Variants in ZSWIM5 observed in about 807,000 individuals in gnomAD.
The protein encoded by ZSWIM5 is zinc finger SWIM-type containing 5.
In ZSWIM5, 55 loss-of-function variants were observed where a neutral mutation model predicts 119.6. The ratio of observed to expected loss-of-function variants is 0.46; its 90% CI spans 0.37 to 0.58. ZSWIM5 has a LOEUF of 0.58. Ranked by LOEUF, ZSWIM5 falls within the 20% of genes least tolerant of loss-of-function variation. The pLI is 0.00. For synonymous variants in ZSWIM5, 537 were observed against 606.9 expected, an observed-to-expected ratio of 0.88 and a Z score of 1.69; for missense variants, 1,193 against 1,512.8, an observed-to-expected ratio of 0.79 and a Z score of 3.51.
chr1:45,081,973 T>C (rs1282718449), intron 2 of ZSWIM5, among the ~76,000 whole-genome samples: 3 of 152,238 alleles, frequency 2.0e-5, no homozygotes, highest in Admixed American at 1.3e-4. Flanking sequence ...TTTCATTTTG[T>C]TCTGTACTAA....
rs1410936226 is a variant in ZSWIM5 at position 45,057,249 on chromosome 1, A to G, written c.1252+1360T>C. ...GGCCCAGTGATCTGTTTAAACAAGT[A>G]CTCCAGGTGATTCTGAAAGGTTTGA... On this transcript the variant is annotated intron_variant, in intron 4 of 13. Coordinates refer to ENST00000359600, the MANE Select transcript of ZSWIM5 (RefSeq NM_020883.2). The surrounding 1 kb of genome is among the most constrained non-coding windows in gnomAD (Gnocchi z 4.7). 6.6e-6 allele frequency among the ~76,000 whole-genome samples: 1 copy of G among 152,178 alleles called. No individual in the cohort carries two copies. The highest frequency in any genetic ancestry group is 2.4e-5 in the African/African-American group (1 of 41,440).
At chr1:45,156,371 A>G (rs1645827086) in intron 1 of ZSWIM5, among the ~76,000 whole-genome samples, 1 of 151,988 alleles carries the variant, frequency 6.6e-6, no homozygotes, top group African/African-American at 2.4e-5. Flanking sequence ...GATCAATCAT[A>G]CCCCAAACAT....
chr1:45,068,015 G>A (rs1051484019), intron 2 of ZSWIM5, among the ~76,000 whole-genome samples: 2 of 151,516 alleles, frequency 1.3e-5, no homozygotes, highest in Non-Finnish European at 2.9e-5. Context: ...TGTGGGTTCA[G>A]CCTCCACGTA....
intron 1 of ZSWIM5, among the ~76,000 whole-genome samples, chr1:45,183,679 C>T (rs1216660535): frequency 6.6e-6 from 1 of 152,158 alleles, no homozygotes; most frequent in Non-Finnish European, 1.5e-5. Flanking sequence ...GAAACATATA[C>T]TCTCCCAAGA....
At chr1:45,204,749 G>T (rs751746473) in intron 1 of ZSWIM5, among the ~76,000 whole-genome samples, 2 of 152,100 alleles carry the variant, frequency 1.3e-5, no homozygotes, top group Admixed American at 1.3e-4. Flanking sequence ...CAATTAATAC[G>T]AGCATATAGT....
At chr1:45,123,943 C>G (rs575313212) in intron 1 of ZSWIM5, among the ~76,000 whole-genome samples, 1 of 152,172 alleles carries the variant, frequency 6.6e-6, no homozygotes, top group Admixed American at 6.5e-5. Flanking sequence ...CATCAGAAAC[C>G]AGGCAGGCCA....
At chr1:45,031,169 ATTTTTT>A (rs34390567) in intron 11 of ZSWIM5, among the ~76,000 whole-genome samples, 6 of 61,740 alleles carry the variant, frequency 9.7e-5, no homozygotes, top group South Asian at 1.4e-3. Flanking sequence ...TTTTGCTCTG[ATTTTTT>A]TTTTTTTTTT....
rs148297429 is a variant in ZSWIM5 at position 45,174,986 on chromosome 1, G to A, written c.595+30770C>T. 7.2e-5 allele frequency among the ~76,000 whole-genome samples: 11 copies of A among 151,982 alleles called. No individual in the cohort carries two copies. The East Asian group carries it at 2.1e-3, about 29-fold the overall frequency. On this transcript the variant is annotated intron_variant, in intron 1 of 13. Transcript: ENST00000359600. ...CATAACATTATCATATAATGCACAG[G>A]CCCCATTCAACTGTTGCCAATTGCC...
At chr1:45,095,495 T>C (rs1424847676) in intron 1 of ZSWIM5, among the ~76,000 whole-genome samples, 1 of 152,186 alleles carries the variant, frequency 6.6e-6, no homozygotes, top group Non-Finnish European at 1.5e-5. Context: ...AGACATTTAA[T>C]TTTGTTGTTA....
Position 45,069,565 on chromosome 1 carries a change from G to A in ZSWIM5, c.953-9318C>T, listed in dbSNP as rs76593758. ...GTTAAACACTGGAATTTGAGGACTC[G>A]TTTTAATTTTTGATACATTTTTCCT... On this transcript the variant is annotated intron_variant, in intron 2 of 13. Coordinates refer to ENST00000359600, the MANE Select transcript of ZSWIM5 (RefSeq NM_020883.2). Among the ~76,000 whole-genome samples the A allele has an allele frequency of 3.6e-3, 548 of 152,100 alleles. 5 individuals carry two copies. Among genetic ancestry groups the A allele is most frequent in the East Asian group, 0.016 (82 of 5,176 alleles).
At chr1:45,189,905 A>G (rs1646081074) in intron 1 of ZSWIM5, among the ~76,000 whole-genome samples, 1 of 152,250 alleles carries the variant, frequency 6.6e-6, no homozygotes, top group Admixed American at 6.5e-5. Flanking sequence ...GACATTTAGC[A>G]TCTAATTTAC....
At chr1:45,129,224 T>G (rs1645640347) in intron 1 of ZSWIM5, among the ~76,000 whole-genome samples, 1 of 136,928 alleles carries the variant, frequency 7.3e-6, no homozygotes, top group South Asian at 2.6e-4. Flanking sequence ...AATTGCGCAA[T>G]CTCAGCTCAC....
intron 10 of ZSWIM5, among the ~76,000 whole-genome samples, chr1:45,034,858 T>C (rs1391519066): frequency 6.6e-6 from 1 of 152,140 alleles, no homozygotes; most frequent in Non-Finnish European, 1.5e-5. Flanking sequence ...CACAGCTCAC[T>C]GCAGCCCCGA....
At chr1:45,122,390 T>C (rs1046572038) in intron 1 of ZSWIM5, among the ~76,000 whole-genome samples, 1 of 152,260 alleles carries the variant, frequency 6.6e-6, no homozygotes, top group African/African-American at 2.4e-5. Flanking sequence ...CAATGACAAG[T>C]AATGACAGTT....
intron 1 of ZSWIM5, among the ~76,000 whole-genome samples, chr1:45,196,005 C>T (rs1441547085): frequency 1.4e-5 from 2 of 147,776 alleles, no homozygotes; most frequent in East Asian, 3.9e-4. Context: ...GTAGCCGGGA[C>T]TACAGGTGAG....
chr1:45,160,504 T>C (rs1218433461), intron 1 of ZSWIM5, among the ~76,000 whole-genome samples: 1 of 152,170 alleles, frequency 6.6e-6, no homozygotes, highest in Non-Finnish European at 1.5e-5. Flanking sequence ...TTTTAGCTTC[T>C]ACCTTTGAGT....
At chr1:45,160,904 C>T (rs2149041342) in intron 1 of ZSWIM5, among the ~76,000 whole-genome samples, 1 of 150,452 alleles carries the variant, frequency 6.6e-6, no homozygotes, top group Non-Finnish European at 1.5e-5. Flanking sequence ...TCACTGCAAG[C>T]TCCGCCTCCC....
At chr1:45,165,241 A>G (rs1454809632) in intron 1 of ZSWIM5, among the ~76,000 whole-genome samples, 1 of 152,114 alleles carries the variant, frequency 6.6e-6, no homozygotes, top group Non-Finnish European at 1.5e-5. Flanking sequence ...AAATGAAGGC[A>G]GAAATAAAGA....
intron 1 of ZSWIM5, among the ~76,000 whole-genome samples, chr1:45,181,255 GA>G (rs2149048935): frequency 6.6e-6 from 1 of 152,218 alleles, no homozygotes; most frequent in East Asian, 1.9e-4. Flanking sequence ...TGATGGAGCT[GA>G]AAGCCAAGGC....
Sources: allele counts gnomAD v4.1 joint callset (sites outside exome capture counted in the v4.1 genomes callset), GRCh38; gene constraint gnomAD v4.1.1; non-coding constraint Gnocchi (gnomAD v3.1); transcripts MANE v1.5; gene names NCBI Gene and HGNC (gene_info 2026-07-23, HGNC 2026-07-21).